NUP98: variants seen among roughly 807,000 people sequenced by gnomAD.
NUP98 encodes the protein nucleoporin 98 and 96 precursor, also known as nuclear pore complex protein Nup98-Nup96.
Under a neutral mutation model 191.9 loss-of-function variants are expected in NUP98, and 26 were observed. The observed-to-expected ratio is 0.14, with a 90% CI of 0.10 to 0.19. The LOEUF is 0.19. Ranked by LOEUF, NUP98 falls within the 10% of genes least tolerant of loss-of-function variation. NUP98 has a pLI of 1.00. For synonymous variants in NUP98, 808 were observed against 778.4 expected (o/e 1.04, Z -0.63); for missense variants, 1,941 against 2,178.8 (o/e 0.89, Z 2.17).
At chr11:3,779,336 T>C (rs2081868958) in intron 2 of NUP98, 79 bp from the exon 3 acceptor site, 7 of 1,194,332 alleles carry the variant, frequency 5.9e-6, no homozygotes, top group Non-Finnish European at 8.7e-6. Context: ...GGCATTTTAA[T>C]ATTTCTTAAA....
intron 26 of NUP98, 143 bp from the exon 27 acceptor site, chr11:3,693,518 A>C: frequency 6.9e-6 from 6 of 865,162 alleles, no homozygotes; most frequent in Non-Finnish European, 1.0e-5. Flanking sequence ...ATAAAATCTC[A>C]CAGCTAGTGA....
intron 6 of NUP98, among the ~76,000 whole-genome samples, chr11:3,773,065 T>C (rs1288993349): frequency 6.6e-6 from 1 of 152,100 alleles, no homozygotes; most frequent in Non-Finnish European, 1.5e-5. Flanking sequence ...TTCATATGCA[T>C]GCATACACAT....
At position 3,790,270 on chromosome 11, in the gene NUP98, T is replaced by C. The variant is rs74544446; in HGVS notation, c.-29+7130A>G. 3.2e-3 allele frequency among the ~76,000 whole-genome samples: 482 copies of C among 152,284 alleles called. 8 individuals carry two copies. The East Asian group carries it at 0.04, about 13-fold the overall frequency. On this transcript the variant is annotated intron_variant, in intron 1 of 32. Coordinates refer to ENST00000324932, the MANE Select transcript of NUP98 (RefSeq NM_016320.5). Reference sequence around the variant, plus strand: ...CCCCTTGACTAATGATTTTCAAATATTTTTTAGCCATGAAACCCGACATAT... The same window carrying C: ...CCCCTTGACTAATGATTTTCAAATACTTTTTAGCCATGAAACCCGACATAT...
chr11:3,791,177 G>C (rs1291296607), intron 1 of NUP98, among the ~76,000 whole-genome samples: 1 of 152,034 alleles, frequency 6.6e-6, no homozygotes. Context: ...TTACAGGCGT[G>C]AGCCACTGCG....
intron 1 of NUP98, among the ~76,000 whole-genome samples, chr11:3,792,788 T>C (rs994516585): frequency 3.3e-5 from 5 of 152,158 alleles, no homozygotes; most frequent in South Asian, 4.1e-4. Flanking sequence ...AAAAGTTCAA[T>C]GACACAGTTT....
intron 1 of NUP98, among the ~76,000 whole-genome samples, chr11:3,783,275 C>G (rs980018573): frequency 3.3e-5 from 5 of 151,962 alleles, no homozygotes; most frequent in African/African-American, 9.7e-5. Flanking sequence ...GTAGTCCCAG[C>G]TACTCTGTTG....
At chr11:3,677,310 C>A (rs946660713) in intron 31 of NUP98, among the ~76,000 whole-genome samples, 1 of 151,978 alleles carries the variant, frequency 6.6e-6, no homozygotes, top group Non-Finnish European at 1.5e-5. Context: ...ACAGCTAAAA[C>A]CCCCAAAGGT....
At chr11:3,768,436 AAC>A in intron 8 of NUP98, 143 bp downstream of exon 8, 1 of 767,714 alleles carries the variant, frequency 1.3e-6, no homozygotes. Context: ...AAAAAAAAAA[AAC>A]TTTGTTCTCT....
At chr11:3,683,032 G>A (rs1334011703) in intron 30 of NUP98, among the ~76,000 whole-genome samples, 168 bp downstream of exon 30, 2 of 152,142 alleles carry the variant, frequency 1.3e-5, no homozygotes, top group African/African-American at 4.8e-5. Flanking sequence ...CTCCTCTAGC[G>A]CCTCATCCTG....
chr11:3,795,657 A>C (rs2082504521), intron 1 of NUP98, among the ~76,000 whole-genome samples: 1 of 152,162 alleles, frequency 6.6e-6, no homozygotes, highest in African/African-American at 2.4e-5. Context: ...TAAGATGAAA[A>C]TATTTTACCA....
intron 1 of NUP98, among the ~76,000 whole-genome samples, chr11:3,794,364 A>G (rs2082457761): frequency 6.6e-6 from 1 of 152,112 alleles, no homozygotes; most frequent in South Asian, 2.1e-4. Flanking sequence ...GCTGTCGCCC[A>G]GGCTGGAGTG....
chr11:3,716,329 G>A (rs867502766), intron 18 of NUP98, among the ~76,000 whole-genome samples: 12 of 151,532 alleles, frequency 7.9e-5, no homozygotes, highest in Non-Finnish European at 8.8e-5. Flanking sequence ...GTCTTCTCCC[G>A]ATCAAATAAT....
intron 1 of NUP98, among the ~76,000 whole-genome samples, chr11:3,796,451 A>G (rs1299525874): frequency 2.0e-5 from 3 of 152,246 alleles, no homozygotes; most frequent in Non-Finnish European, 4.4e-5. Flanking sequence ...TCCGATACAT[A>G]ACAACGCTGA....
At chr11:3,725,061 T>C (rs776549694) in intron 15 of NUP98, 42 bp downstream of exon 15, 1 of 872,406 alleles carries the variant, frequency 1.1e-6, no homozygotes, top group South Asian at 1.5e-5. Flanking sequence ...AATGAGACTA[T>C]AACTCTCTAC....
intron 11 of NUP98, among the ~76,000 whole-genome samples, chr11:3,747,842 G>C (rs188466485): frequency 1.9e-4 from 29 of 152,304 alleles, no homozygotes; most frequent in African/African-American, 6.7e-4. Context: ...GTTCAGGAAC[G>C]TGGGTGTTTA....
At chr11:3,682,855 A>C (rs186051494) in intron 30 of NUP98, among the ~76,000 whole-genome samples, 1 of 152,342 alleles carries the variant, frequency 6.6e-6, no homozygotes, top group East Asian at 1.9e-4. Flanking sequence ...GTATTCTGAA[A>C]TTCTCCAATG....
At chr11:3,699,454 T>A in intron 24 of NUP98, 106 bp from the exon 25 acceptor site, 1 of 1,265,200 alleles carries the variant, frequency 7.9e-7, no homozygotes, top group Non-Finnish European at 1.1e-6. Context: ...TTAATAGACA[T>A]CTCAAACAAC....
intron 2 of NUP98, among the ~76,000 whole-genome samples, chr11:3,780,845 C>T (rs1249941771): frequency 1.3e-5 from 2 of 151,796 alleles, no homozygotes; most frequent in Admixed American, 6.6e-5. Flanking sequence ...TTTGGGAGGC[C>T]GAGGCGGGCA....
chr11:3,759,514 T>C (rs2081092389), intron 10 of NUP98, among the ~76,000 whole-genome samples: 2 of 152,006 alleles, frequency 1.3e-5, no homozygotes, highest in Non-Finnish European at 2.9e-5. Flanking sequence ...GGAGAATCGC[T>C]TGAACCCGGG....
Sources: gnomAD v4.1 joint callset for allele counts (sites outside exome capture counted in the v4.1 genomes callset) on GRCh38, gnomAD v4.1.1 for gene constraint, MANE v1.5 for transcripts, NCBI Gene and HGNC (gene_info 2026-07-23, HGNC 2026-07-21) for gene names.